MACROD2: variants seen among roughly 807,000 people sequenced by gnomAD.
MACROD2 encodes ADP-ribose glycohydrolase MACROD2.
Under a neutral mutation model 70.4 loss-of-function variants are expected in MACROD2, and 36 were observed. The ratio of observed to expected loss-of-function variants is 0.51; its 90% CI spans 0.39 to 0.68. The LOEUF (loss-of-function observed/expected upper bound fraction) is 0.68, where lower values mean the gene tolerates loss of function less well. MACROD2 is among the 30% of genes least tolerant of loss of function. The pLI is 0.00. For missense variants in MACROD2, 496 were observed against 538.4 expected (o/e 0.92, Z 0.78); for synonymous variants, 172 against 178.8 (o/e 0.96, Z 0.30).
chr20:15,864,711 A>T (rs1006582816), intron 9 of MACROD2, among the ~76,000 whole-genome samples: 1 of 152,154 alleles, frequency 6.6e-6, no homozygotes, highest in African/African-American at 2.4e-5. Flanking sequence ...AATACATTTT[A>T]AAATGCATTG....
chr20:15,850,379 T>C (rs2064283523), intron 8 of MACROD2, among the ~76,000 whole-genome samples: 1 of 152,174 alleles, frequency 6.6e-6, no homozygotes, highest in Non-Finnish European at 1.5e-5. Context: ...AGATATTTGC[T>C]CAGAGCCTGC....
At chr20:14,966,412 C>G (rs184272440) in intron 5 of MACROD2, among the ~76,000 whole-genome samples, 2 of 151,962 alleles carry the variant, frequency 1.3e-5, no homozygotes, top group Admixed American at 6.6e-5. Flanking sequence ...TCCATTTCTA[C>G]GAAGAATAAA....
chr20:15,458,965 GA>G (rs2146409484), intron 7 of MACROD2, among the ~76,000 whole-genome samples: 1 of 152,072 alleles, frequency 6.6e-6, no homozygotes, highest in East Asian at 1.9e-4. Flanking sequence ...CATTTTGAAG[GA>G]CAAGTGAATG....
At chr20:14,003,815 AAG>A (rs774270158) in intron 2 of MACROD2, 4 of 366,760 alleles carry the variant, frequency 1.1e-5, no homozygotes, top group Non-Finnish European at 2.1e-5. Context: ...ACATCATTGA[AAG>A]AGAGGAGAGT....
chr20:15,481,044 T>C (rs1568838338), intron 7 of MACROD2, among the ~76,000 whole-genome samples: 1 of 152,236 alleles, frequency 6.6e-6, no homozygotes, highest in African/African-American at 2.4e-5. Flanking sequence ...GGTTACACTT[T>C]ACTTTCTCTA....
intron 8 of MACROD2, among the ~76,000 whole-genome samples, chr20:15,542,257 T>C (rs561335053): frequency 1.3e-5 from 2 of 152,214 alleles, no homozygotes; most frequent in Admixed American, 1.3e-4. Context: ...CAGGTTCAAC[T>C]TCTTTATAAT....
intron 5 of MACROD2, among the ~76,000 whole-genome samples, chr20:15,056,823 CACA>C (rs1428609681): frequency 3.0e-4 from 46 of 152,218 alleles, no homozygotes; most frequent in Admixed American, 1.3e-3. Flanking sequence ...CATGTATGAT[CACA>C]ACAACAAATA....
At chr20:14,403,461 GA>G (rs2083660073) in intron 3 of MACROD2, among the ~76,000 whole-genome samples, 1 of 152,122 alleles carries the variant, frequency 6.6e-6, no homozygotes, top group Admixed American at 6.5e-5. Context: ...ATATAAATGT[GA>G]AACTCTTCAG....
intron 15 of MACROD2, among the ~76,000 whole-genome samples, chr20:16,012,117 C>T (rs1471176346): frequency 6.6e-6 from 1 of 152,196 alleles, no homozygotes; most frequent in Non-Finnish European, 1.5e-5. Context: ...CTTCTCTGAG[C>T]CTATTGGCAG....
At chr20:15,107,045 TAGA>T (rs2075916310) in intron 5 of MACROD2, among the ~76,000 whole-genome samples, 1 of 150,530 alleles carries the variant, frequency 6.6e-6, no homozygotes, top group African/African-American at 2.5e-5. Flanking sequence ...TTTATGTATA[TAGA>T]TTGTTCTGTA....
chr20:15,190,641 C>G (rs1005054924), intron 5 of MACROD2, among the ~76,000 whole-genome samples: 1 of 152,176 alleles, frequency 6.6e-6, no homozygotes, highest in Non-Finnish European at 1.5e-5. Flanking sequence ...TTGTTACTCA[C>G]AGTTCCTAAG....
chr20:15,125,210 CTA>C (rs1035593634), intron 5 of MACROD2, among the ~76,000 whole-genome samples: 1 of 152,028 alleles, frequency 6.6e-6, no homozygotes, highest in African/African-American at 2.4e-5. Context: ...CTATGAAAGA[CTA>C]TGATTTGGAA....
At chr20:14,457,700 A>G (rs946156879) in intron 3 of MACROD2, among the ~76,000 whole-genome samples, 4 of 152,180 alleles carry the variant, frequency 2.6e-5, no homozygotes, top group Admixed American at 6.6e-5. Context: ...TGTTGGGGAA[A>G]CAAGTTGAGA....
intron 5 of MACROD2, among the ~76,000 whole-genome samples, chr20:14,996,682 G>T (rs751507427): frequency 4.1e-4 from 62 of 152,224 alleles, no homozygotes; most frequent in Admixed American, 7.8e-4. Flanking sequence ...GAGATAATTT[G>T]TGCTTGGGAA....
At chr20:14,591,114 T>C (rs1981740713) in intron 4 of MACROD2, among the ~76,000 whole-genome samples, 1 of 152,158 alleles carries the variant, frequency 6.6e-6, no homozygotes, top group Admixed American at 6.6e-5. Context: ...CTTTTATGAG[T>C]GTATTTTAAT....
intron 4 of MACROD2, among the ~76,000 whole-genome samples, chr20:14,498,583 C>T (rs2084882328): frequency 6.6e-6 from 1 of 152,162 alleles, no homozygotes; most frequent in Admixed American, 6.5e-5. Flanking sequence ...ATTCTGCTGG[C>T]ATAGTCTTTT....
In MACROD2 at chr20:14,451,463, G is replaced by A. The variant is rs974814307; in HGVS notation, c.272-42016G>A. On this transcript the variant is annotated intron_variant, in intron 3 of 17. Transcript: ENST00000684519. ...CTGTGTCTCGACAAAAAAACAAAGT[G>A]TGTTACCCCAAGCATGTTACCTCTG... Among the ~76,000 whole-genome samples, 18 of 152,050 alleles carry A rather than the reference G, an allele frequency of 1.2e-4. 1 individual carries two copies. The highest frequency in any genetic ancestry group is 4.1e-4 in the African/African-American group (17 of 41,358).
intron 6 of MACROD2, among the ~76,000 whole-genome samples, chr20:15,252,898 T>C (rs2077168181): frequency 6.6e-6 from 1 of 152,180 alleles, no homozygotes; most frequent in Non-Finnish European, 1.5e-5. Flanking sequence ...GCTTGCATCA[T>C]GGCATCACTT....
At chr20:16,004,399 T>G (rs1785103299) in intron 15 of MACROD2, among the ~76,000 whole-genome samples, 1 of 152,172 alleles carries the variant, frequency 6.6e-6, no homozygotes, top group South Asian at 2.1e-4. Context: ...AAATGCATCC[T>G]GAGCAGCATA....
Sources: gnomAD v4.1 joint callset for allele counts (sites outside exome capture counted in the v4.1 genomes callset) on GRCh38, gnomAD v4.1.1 for gene constraint, MANE v1.5 for transcripts, NCBI Gene and HGNC (gene_info 2026-07-23, HGNC 2026-07-21) for gene names.